The following CFAP44 variants were observed in gnomAD, a reference collection of about 807,000 sequenced individuals.
The protein encoded by CFAP44 is cilia- and flagella-associated protein 44.
Under a neutral mutation model 216.2 loss-of-function variants are expected in CFAP44, and 134 were observed. The ratio of observed to expected loss-of-function variants is 0.62; its 90% confidence interval spans 0.54 to 0.72. CFAP44 has a LOEUF of 0.72. CFAP44 is among the 30% of genes least tolerant of loss of function. The pLI, the probability that CFAP44 is intolerant of heterozygous loss-of-function variation, is 0.00. For missense variants in CFAP44, 2,035 were observed against 2,182.1 expected (o/e 0.93, Z 1.34); for synonymous variants, 700 against 727.6 (o/e 0.96, Z 0.61).
At chr3:113,372,165 G>C (rs887258919) in intron 18 of CFAP44, among the ~76,000 whole-genome samples, 1 of 152,234 alleles carries the variant, frequency 6.6e-6, no homozygotes, top group Non-Finnish European at 1.5e-5. Flanking sequence ...GTGGAAGACA[G>C]TGTGGCGATT....
At chr3:113,390,190 A>C (rs563633871) in intron 15 of CFAP44, among the ~76,000 whole-genome samples, 1 of 152,344 alleles carries the variant, frequency 6.6e-6, no homozygotes, top group African/African-American at 2.4e-5. Context: ...GGATGGTTCA[A>C]CATATGCAAA....
intron 32 of CFAP44, among the ~76,000 whole-genome samples, chr3:113,299,441 C>T (rs1167886029): frequency 2.0e-5 from 3 of 152,068 alleles, no homozygotes; most frequent in Non-Finnish European, 4.4e-5. Context: ...GTAGAGAAAA[C>T]GAAACCCTCA....
intron 24 of CFAP44, among the ~76,000 whole-genome samples, chr3:113,339,523 G>T (rs1382633651): frequency 6.6e-6 from 1 of 152,184 alleles, no homozygotes; most frequent in African/African-American, 2.4e-5. Context: ...TCTCCCTGCT[G>T]TCGGAAAACT....
chr3:113,400,909 G>A (rs1359763043), intron 11 of CFAP44, among the ~76,000 whole-genome samples: 1 of 151,878 alleles, frequency 6.6e-6, no homozygotes. Context: ...AAAATGAGAT[G>A]GTAACAGCTG....
Position 113,431,844 on chromosome 3 carries a change from CT to C in CFAP44, c.100+1720del, listed in dbSNP as rs539963570. On this transcript the variant is annotated intron_variant, in intron 2 of 34. Coordinates refer to ENST00000393845, the MANE Select transcript of CFAP44 (RefSeq NM_001164496.2). ...CTCAAATCATATTTAGGATTAGAAC[CT>C]TAAATAGTCAAGATTCCACTAAGAT... 5.9e-5 allele frequency among the ~76,000 whole-genome samples: 9 copies of C among 152,260 alleles called. 2 individuals are homozygous for C. Among genetic ancestry groups the C allele is most frequent in the Admixed American group, 5.2e-4 (8 of 15,292 alleles).
At chr3:113,384,493 A>G (rs79552003) in intron 15 of CFAP44, among the ~76,000 whole-genome samples, 52 of 152,352 alleles carry the variant, frequency 3.4e-4, no homozygotes, top group African/African-American at 1.1e-3. Flanking sequence ...TTGGGGATAG[A>G]TCTTTAAAAG....
intron 23 of CFAP44, 39 bp downstream of exon 23, chr3:113,344,477 A>G (rs1309209944): frequency 6.7e-7 from 1 of 1,499,720 alleles, no homozygotes; most frequent in Non-Finnish European, 8.9e-7. Flanking sequence ...TTGAAGTCTT[A>G]GTAAATAAGA....
chr3:113,330,581 C>T lies in CFAP44; in HGVS notation c.3703G>A (p.Val1235Ile). The change falls in exon 26 of 35, where the codon GTA becomes ATA. Residue 1235 changes from valine (V) to isoleucine (I), a missense_variant. This residue lies in a region of CFAP44 where 1,883 missense variants were observed against 2,023.7 expected (regional missense o/e 0.93). Transcript: ENST00000393845. The part of the protein sequence containing the change: ...VAVVEEIQCL[V>I]QELKNIQSTL... ...GACTGAATGTTCTTCAGTTCTTGTACCAGGCACTGTATTTCCTCAACAACA... is the reference window on the plus strand; with the variant it reads ...GACTGAATGTTCTTCAGTTCTTGTATCAGGCACTGTATTTCCTCAACAACA... 1.3e-6 allele frequency: 2 copies of T among 1,537,136 alleles called. No homozygotes were observed. The highest frequency in any genetic ancestry group is 1.7e-6 in the Non-Finnish European group (2 of 1,146,868).
At chr3:113,387,147 T>C (rs1006060573) in intron 15 of CFAP44, among the ~76,000 whole-genome samples, 11 of 152,192 alleles carry the variant, frequency 7.2e-5, no homozygotes, top group Admixed American at 6.5e-4. Context: ...GTCCTGGTGC[T>C]GTACTGGGCT....
chr3:113,416,487 C>G (rs1428734588), intron 6 of CFAP44, 38 bp downstream of exon 6: 1 of 1,477,214 alleles, frequency 6.8e-7, no homozygotes, highest in South Asian at 1.2e-5. Context: ...TGTTGTTATC[C>G]TTGAACATGA....
At position 113,341,926 on chromosome 3, in the gene CFAP44, G is replaced by A. The variant is rs901119472; in HGVS notation, c.3263-8C>T. 6.7e-7 allele frequency: 1 copy of A among 1,500,240 alleles called. No homozygotes were observed. Among genetic ancestry groups the A allele is most frequent in the Non-Finnish European group, 8.8e-7 (1 of 1,137,216 alleles). The allele number at this position is 1,500,240 out of a possible 1,614,324, so 92.9% of individuals were successfully genotyped here. A position where few individuals can be genotyped will look rare whatever the true frequency, so the allele number is the denominator to read the frequency against. On this transcript the variant is annotated splice_region_variant and splice_polypyrimidine_tract_variant and intron_variant, in intron 23 of 34. Transcript: ENST00000393845. ...GTATGGTAACACTCCCACCTACATA[G>A]AGAATCAACATTTTTCAGCCTTTTT...
At chr3:113,307,482 C>A (rs1169912474) in intron 29 of CFAP44, among the ~76,000 whole-genome samples, 1 of 152,188 alleles carries the variant, frequency 6.6e-6, no homozygotes, top group Non-Finnish European at 1.5e-5. Flanking sequence ...CACTCCTGCA[C>A]TCCCTTCATT....
chr3:113,427,352 G>C lies in CFAP44; in HGVS notation c.101-13C>G. On this transcript the variant is annotated splice_polypyrimidine_tract_variant and intron_variant, in intron 2 of 34. Coordinates refer to ENST00000393845, the MANE Select transcript of CFAP44 (RefSeq NM_001164496.2). ...TCTTGAACAGGAGCTATTAAAATTT[G>C]TTTTAATAACTTCTAAATTTTGATT... The C allele has an allele frequency of 6.4e-7, 1 of 1,569,638 alleles. No homozygotes were observed. Among genetic ancestry groups the C allele is most frequent in the Non-Finnish European group, 8.6e-7 (1 of 1,161,462 alleles).
rs1042011626 is a variant in CFAP44 at position 113,287,597 on chromosome 3, T to C, written c.*3960A>G. The C allele has an allele frequency of 6.5e-6, 1 of 152,720 alleles. No individual in the cohort carries two copies. 9.5% of individuals were successfully genotyped at this position (152,720 alleles called of 1,614,324 possible). On this transcript the variant is annotated 3_prime_UTR_variant, in exon 35 of 35. Transcript: ENST00000393845. ...AAAGGTAGTAAATGTTTCTCTTTTT[T>C]GTTTTTTAAAACAGTGAATGTCAGT...
intron 6 of CFAP44, 90 bp from the exon 7 acceptor site, chr3:113,409,412 A>T (rs1383008620): frequency 8.5e-7 from 1 of 1,176,996 alleles, no homozygotes; most frequent in African/African-American, 1.5e-5. Flanking sequence ...GAGTCAGCCC[A>T]TGGTGATGTA....
chr3:113,418,677 G>C (rs936597104), intron 5 of CFAP44, among the ~76,000 whole-genome samples: 1 of 152,024 alleles, frequency 6.6e-6, no homozygotes, highest in African/African-American at 2.4e-5. Context: ...AGGTGGATGA[G>C]AGTTAGGATT....
At chr3:113,434,450 T>C (rs2107417790) in intron 1 of CFAP44, 1 of 152,344 alleles carries the variant, frequency 6.6e-6, no homozygotes, top group African/African-American at 2.4e-5. Context: ...ATCATAAAGT[T>C]GTCTCTAAGC....
intron 34 of CFAP44, among the ~76,000 whole-genome samples, chr3:113,292,380 C>T (rs868072068): frequency 6.6e-6 from 1 of 152,188 alleles, no homozygotes; most frequent in Admixed American, 6.5e-5. Flanking sequence ...ATCTTTCCTG[C>T]GAGATCCTGT....
Position 113,327,599 on chromosome 3 carries a change from C to T in CFAP44, c.4320+17G>A, listed in dbSNP as rs1226161023. 8.5e-6 allele frequency: 13 copies of T among 1,529,816 alleles called. No homozygotes were observed. The highest frequency in any genetic ancestry group is 1.1e-5 in the Non-Finnish European group (13 of 1,142,236). The allele number at this position is 1,529,816 out of a possible 1,614,324, so 94.8% of individuals were successfully genotyped here. ...ACTAAGGGACCAGCCAGCTAGGATT[C>T]TTCTGCCCACTCATACTTGCATGTA... On this transcript the variant is annotated intron_variant, in intron 27 of 34. Transcript: ENST00000393845.
Sources: gnomAD v4.1 joint callset for allele counts (sites outside exome capture counted in the v4.1 genomes callset) on GRCh38, gnomAD v4.1.1 for gene constraint, gnomAD v4.1.1 regional missense constraint, MANE v1.5 for transcripts, NCBI Gene and HGNC (gene_info 2026-07-23, HGNC 2026-07-21) for gene names.